Variants in EPB41L3 observed in about 807,000 individuals in gnomAD.
EPB41L3 encodes erythrocyte membrane protein band 4.1 like 3.
Under a neutral mutation model 127.1 loss-of-function variants are expected in EPB41L3, and 57 were observed. That is an observed-to-expected ratio of 0.45 (90% CI 0.36 to 0.56). EPB41L3 has a LOEUF of 0.56. Among genes scored for constraint, EPB41L3 ranks in the 20% least tolerant of loss-of-function variants. The pLI is 0.00. For synonymous variants in EPB41L3, 572 were observed against 549.5 expected (o/e 1.04, Z -0.57); for missense variants, 1,273 against 1,372.2 (o/e 0.93, Z 1.14).
At chr18:5,574,808 G>A (rs189725377) in intron 3 of EPB41L3, among the ~76,000 whole-genome samples, 1 of 152,166 alleles carries the variant, frequency 6.6e-6, no homozygotes, top group African/African-American at 2.4e-5. Context: ...GTTCCCCCAA[G>A]ACTTTGCCCC....
At chr18:5,565,229 T>G in intron 3 of EPB41L3, among the ~76,000 whole-genome samples, 1 of 148,104 alleles carries the variant, frequency 6.8e-6, no homozygotes, top group Admixed American at 6.7e-5. Flanking sequence ...AAACCCCATC[T>G]CTACTAAAAA....
intron 3 of EPB41L3, among the ~76,000 whole-genome samples, chr18:5,468,404 G>A (rs1225412948): frequency 2.6e-5 from 4 of 152,160 alleles, no homozygotes. Flanking sequence ...GATAACTTAC[G>A]GTGCTTTTTC....
intron 3 of EPB41L3, among the ~76,000 whole-genome samples, chr18:5,606,411 TTC>T (rs2094652817): frequency 1.3e-5 from 2 of 152,198 alleles, no homozygotes; most frequent in African/African-American, 4.8e-5. Context: ...AAAAGAATCA[TTC>T]TTTTTGTTTA....
intron 1 of EPB41L3, among the ~76,000 whole-genome samples, chr18:5,502,770 G>A (rs1033429152): frequency 6.6e-6 from 1 of 152,144 alleles, no homozygotes; most frequent in Non-Finnish European, 1.5e-5. Flanking sequence ...GAGCTTCCTG[G>A]GCCCCCACTT....
intron 1 of EPB41L3, among the ~76,000 whole-genome samples, chr18:5,526,016 C>A (rs1306623565): frequency 1.3e-5 from 2 of 152,070 alleles, no homozygotes; most frequent in African/African-American, 4.8e-5. Flanking sequence ...TAAAAGGCCA[C>A]CAAGAAACGA....
rs543250053 is a variant in EPB41L3, at chr18:5,397,958, A to C, written c.2472+63T>G. The C allele has an allele frequency of 6.2e-7, 1 of 1,607,924 alleles. No homozygotes were observed. Among genetic ancestry groups the C allele is most frequent in the Admixed American group, 1.7e-5 (1 of 59,216 alleles). On this transcript the variant is annotated intron_variant, in intron 17 of 22. Transcript: ENST00000341928. The surrounding 1 kb of genome is among the most constrained non-coding windows in gnomAD (Gnocchi z 4.1). Reference sequence around the variant, plus strand: ...ATGCAACCACACACTCACGCCCAAAAAAAGGGTAAGGAAAGGCACATGGGC... The same window carrying C: ...ATGCAACCACACACTCACGCCCAAACAAAGGGTAAGGAAAGGCACATGGGC...
At chr18:5,441,716 G>A (rs1020665276) in intron 5 of EPB41L3, among the ~76,000 whole-genome samples, 6 of 152,134 alleles carry the variant, frequency 3.9e-5, no homozygotes, top group East Asian at 3.9e-4. Context: ...CGCCCGTCTC[G>A]GCCTCCCAAA....
chr18:5,457,914 G>A (rs187779527), intron 3 of EPB41L3, among the ~76,000 whole-genome samples: 2 of 151,860 alleles, frequency 1.3e-5, no homozygotes, highest in East Asian at 1.9e-4. Flanking sequence ...GCCACTGTCA[G>A]GGGGGCACTT....
intron 1 of EPB41L3, among the ~76,000 whole-genome samples, chr18:5,527,473 T>C (rs913972720): frequency 2.0e-5 from 3 of 152,206 alleles, no homozygotes; most frequent in Non-Finnish European, 4.4e-5. Context: ...ACTCTTTCAT[T>C]TGAGGATTTA....
At chr18:5,520,557 TA>T (rs11339935) in intron 1 of EPB41L3, among the ~76,000 whole-genome samples, 29,553 of 105,778 alleles carry the variant, frequency 0.28, 2,686 homozygotes, top group African/African-American at 0.37. Context: ...TTTCCCAAAA[TA>T]AAAAAAAAAA....
intron 3 of EPB41L3, among the ~76,000 whole-genome samples, chr18:5,469,285 T>A (rs1228527955): frequency 6.6e-6 from 1 of 152,216 alleles, no homozygotes; most frequent in Admixed American, 6.5e-5. Context: ...GTCTGTGGTT[T>A]CTGGCATCTC....
rs751245593 is a variant in EPB41L3 at position 5,433,887 on chromosome 18, C to A, written c.824+16G>T. 2 of 1,613,650 alleles carry A rather than the reference C, an allele frequency of 1.2e-6. No individual in the cohort carries two copies. The highest frequency in any genetic ancestry group is 2.2e-5 in the South Asian group (2 of 91,070). On this transcript the variant is annotated intron_variant, in intron 7 of 22. Coordinates refer to ENST00000341928, the MANE Select transcript of EPB41L3 (RefSeq NM_012307.5). ...CATCAAGGCACAACTTAAATGAACA[C>A]CTTTCTGCCTCTAACCTGTGGCTCT...
rs2076799698 is a variant in EPB41L3, at chr18:5,416,230, C to T, written c.1655G>A (p.Gly552Glu). 2 of 1,614,132 alleles carry T rather than the reference C, an allele frequency of 1.2e-6. No homozygotes were observed. Among genetic ancestry groups the T allele is most frequent in the Non-Finnish European group, 1.7e-6 (2 of 1,180,036 alleles). Reference protein sequence around the residue: ...YEPSRAEHLPGEPALDSDGPG... With the variant: ...YEPSRAEHLPEEPALDSDGPG... Reference sequence around the variant, plus strand: ...GCCATCAGAGTCCAAGGCGGGCTCTCCAGGCAGGTGCTCAGCTCTGGACGG... The same window carrying T: ...GCCATCAGAGTCCAAGGCGGGCTCTTCAGGCAGGTGCTCAGCTCTGGACGG... The change falls in exon 13 of 23, where the codon GGA (glycine) becomes GAA (glutamate). Residue 552 changes from glycine to glutamate, a missense_variant. Coordinates refer to ENST00000341928, the MANE Select transcript of EPB41L3 (RefSeq NM_012307.5).
chr18:5,593,770 C>T (rs2094509452), intron 3 of EPB41L3, among the ~76,000 whole-genome samples: 2 of 152,164 alleles, frequency 1.3e-5, no homozygotes, highest in Non-Finnish European at 2.9e-5. Context: ...TTTAGAGGCC[C>T]ACCTTCAGGG....
upstream of EPB41L3, among the ~76,000 whole-genome samples, chr18:5,547,663 CT>C (rs2093902811): frequency 6.6e-6 from 1 of 152,158 alleles, no homozygotes; most frequent in South Asian, 2.1e-4. Context: ...AAGGGTGCAG[CT>C]TACTTCAGGT....
intron 3 of EPB41L3, among the ~76,000 whole-genome samples, chr18:5,585,367 G>A (rs760705985): frequency 3.3e-5 from 5 of 152,062 alleles, no homozygotes; most frequent in Admixed American, 2.0e-4. Flanking sequence ...GCCGTAGTGC[G>A]ATCTGGGCTC....
Position 5,491,271 on chromosome 18 carries a change from G to A in EPB41L3, c.-11-2077C>T, listed in dbSNP as rs143355172. ...ATGACAGAGCCACCCCTTCCAGCACGGGTCTCTGGATGACCTCATGGACCA... is the reference window on the plus strand; with the variant it reads ...ATGACAGAGCCACCCCTTCCAGCACAGGTCTCTGGATGACCTCATGGACCA... On this transcript the variant is annotated intron_variant, in intron 1 of 22. Transcript: ENST00000341928. Among the ~76,000 whole-genome samples, 1,245 of 152,272 alleles carry A rather than the reference G, an allele frequency of 8.2e-3. 6 individuals carry two copies. Among genetic ancestry groups the A allele is most frequent in the Non-Finnish European group, 0.014 (945 of 68,026 alleles).
chr18:5,555,434 T>A (rs768636799), intron 3 of EPB41L3, among the ~76,000 whole-genome samples: 1 of 152,296 alleles, frequency 6.6e-6, no homozygotes, highest in Admixed American at 6.5e-5. Flanking sequence ...TTTACTCACA[T>A]TTGTATTTTT....
At chr18:5,488,013 C>A (rs140438095) in intron 2 of EPB41L3, among the ~76,000 whole-genome samples, 1 of 152,144 alleles carries the variant, frequency 6.6e-6, no homozygotes, top group African/African-American at 2.4e-5. Context: ...CAAATCGGCA[C>A]TCTAAAACAT....
Sources: allele counts gnomAD v4.1 joint callset (sites outside exome capture counted in the v4.1 genomes callset), GRCh38; gene constraint gnomAD v4.1.1; non-coding constraint Gnocchi (gnomAD v3.1); transcripts MANE v1.5; gene names NCBI Gene and HGNC (gene_info 2026-07-23, HGNC 2026-07-21).